MAP2K1: variants seen among roughly 807,000 people sequenced by gnomAD.
MAP2K1 encodes the protein dual specificity mitogen-activated protein kinase kinase 1.
MAP2K1 carries 16 observed loss-of-function variants against 46.3 expected under a neutral mutation model. The observed-to-expected ratio is 0.35, with a 90% CI of 0.23 to 0.52. The LOEUF (loss-of-function observed/expected upper bound fraction) is 0.52. MAP2K1 is among the 20% of genes least tolerant of loss of function. The pLI, the probability that MAP2K1 is intolerant of heterozygous loss-of-function variation, is 0.94. For synonymous variants in MAP2K1, 183 were observed against 185.6 expected (o/e 0.99, Z 0.11); for missense variants, 263 against 497.1 (o/e 0.53, Z 4.48).
chr15:66,482,958 G>A (rs1160734800), intron 6 of MAP2K1, among the ~76,000 whole-genome samples: 1 of 152,028 alleles, frequency 6.6e-6, no homozygotes, highest in African/African-American at 2.4e-5. Flanking sequence ...TGTGTTCTCT[G>A]TCAAAGCACA....
At chr15:66,461,516 T>TAAATAAA (rs1892321374) in intron 5 of MAP2K1, among the ~76,000 whole-genome samples, 1 of 126,900 alleles carries the variant, frequency 7.9e-6, no homozygotes, top group African/African-American at 2.7e-5. Flanking sequence ...AAATAAATAA[T>TAAATAAA]AAAATAATAA....
intron 1 of MAP2K1, among the ~76,000 whole-genome samples, chr15:66,412,278 G>T (rs1046816628): frequency 6.6e-6 from 1 of 152,218 alleles, no homozygotes; most frequent in Admixed American, 6.5e-5. Context: ...TGCGTTTGCT[G>T]TGGGCTGGTA....
At chr15:66,430,171 G>T (rs1036322850) in intron 1 of MAP2K1, among the ~76,000 whole-genome samples, 4 of 151,996 alleles carry the variant, frequency 2.6e-5, no homozygotes, top group African/African-American at 9.7e-5. Flanking sequence ...TCTTACCTTG[G>T]GTCTGTCTCT....
At chr15:66,396,887 G>T (rs973976182) in intron 1 of MAP2K1, among the ~76,000 whole-genome samples, 2 of 150,534 alleles carry the variant, frequency 1.3e-5, no homozygotes, top group Non-Finnish European at 2.9e-5. Context: ...GTTTCACCAT[G>T]TTGGCCAGGC....
At chr15:66,462,393 G>A (rs1359394343) in intron 5 of MAP2K1, among the ~76,000 whole-genome samples, 1 of 151,486 alleles carries the variant, frequency 6.6e-6, no homozygotes, top group Non-Finnish European at 1.5e-5. Flanking sequence ...CTAGCTACTC[G>A]GGAGGCTGAG....
intron 5 of MAP2K1, among the ~76,000 whole-genome samples, chr15:66,471,294 C>T (rs1567021588): frequency 6.6e-6 from 1 of 152,024 alleles, no homozygotes; most frequent in South Asian, 2.1e-4. Context: ...TTTTATTTTC[C>T]CTCCAAGCTG....
At chr15:66,410,866 T>G (rs948019829) in intron 1 of MAP2K1, among the ~76,000 whole-genome samples, 1 of 152,230 alleles carries the variant, frequency 6.6e-6, no homozygotes, top group African/African-American at 2.4e-5. Flanking sequence ...ATATTTGTTC[T>G]GCTTTACTAG....
At chr15:66,439,898 G>A (rs1224522705) in intron 3 of MAP2K1, among the ~76,000 whole-genome samples, 1 of 146,438 alleles carries the variant, frequency 6.8e-6, no homozygotes, top group Admixed American at 7.0e-5. Flanking sequence ...CCACGCCATT[G>A]CACTCCTGCC....
At chr15:66,447,137 T>C (rs374846883) in intron 5 of MAP2K1, among the ~76,000 whole-genome samples, 2 of 151,734 alleles carry the variant, frequency 1.3e-5, no homozygotes, top group East Asian at 1.9e-4. Context: ...CCCCGTAGAT[T>C]AGGTGATACA....
rs1471568699 is a variant in MAP2K1, at chr15:66,489,762, T to C, written c.1067T>C (p.Met356Thr). 3.1e-6 allele frequency: 5 copies of C among 1,613,006 alleles called. No individual in the cohort carries two copies. The highest frequency in any genetic ancestry group is 1.7e-5 in the Admixed American group (1 of 60,032). The change falls in exon 10 of 11, where the codon ATG (methionine) becomes ACG (threonine). Residue 356 changes from methionine (M) to threonine (T), a missense_variant and splice_region_variant. Coordinates refer to ENST00000307102, the MANE Select transcript of MAP2K1 (RefSeq NM_002755.4). ...PAERADLKQL[M>T]VHAFIKRSDA... Reference sequence around the variant, plus strand: ...GAGAGAGCAGATTTGAAGCAACTCATGGTGAGTCTATTTATTCCGGATTCT... The same window carrying C: ...GAGAGAGCAGATTTGAAGCAACTCACGGTGAGTCTATTTATTCCGGATTCT...
rs553256625 is a variant in MAP2K1, at chr15:66,452,768, A to G, written c.568+8061A>G. Among the ~76,000 whole-genome samples the G allele has an allele frequency of 1.4e-3, 210 of 152,336 alleles. 1 individual carries two copies. The highest frequency in any genetic ancestry group is 5.0e-3 in the African/African-American group (209 of 41,558). ...AGTGTTTTGCTTATAGAAAGCTCTAATATGCTAATTGCCTTCCCCGTTTCT... is the reference window on the plus strand; with the variant it reads ...AGTGTTTTGCTTATAGAAAGCTCTAGTATGCTAATTGCCTTCCCCGTTTCT... On this transcript the variant is annotated intron_variant, in intron 5 of 10. Transcript: ENST00000307102.
intron 1 of MAP2K1, among the ~76,000 whole-genome samples, chr15:66,418,797 C>T (rs1202602712): frequency 6.6e-6 from 1 of 151,768 alleles, no homozygotes; most frequent in Non-Finnish European, 1.5e-5. Context: ...CGAGCACCCG[C>T]CACCACGCCT....
intron 5 of MAP2K1, among the ~76,000 whole-genome samples, chr15:66,460,029 T>G (rs1892278062): frequency 6.6e-6 from 1 of 152,220 alleles, no homozygotes; most frequent in South Asian, 2.1e-4. Context: ...TGTCTGATCC[T>G]TGAAACACAG....
intron 5 of MAP2K1, chr15:66,453,459 C>A: frequency 1.4e-6 from 1 of 702,066 alleles, no homozygotes. Context: ...TACAAGTCTT[C>A]TCCAGAAGCC....
chr15:66,388,302 A>G (rs1269266829), intron 1 of MAP2K1, among the ~76,000 whole-genome samples: 2 of 152,172 alleles, frequency 1.3e-5, no homozygotes, highest in African/African-American at 4.8e-5. Context: ...GTAAGGGACA[A>G]GACTATGTGA....
At chr15:66,462,523 T>TA (rs959717050) in intron 5 of MAP2K1, among the ~76,000 whole-genome samples, 4 of 142,062 alleles carry the variant, frequency 2.8e-5, no homozygotes, top group African/African-American at 5.3e-5. Flanking sequence ...AAAAGATTGG[T>TA]AAAAAAATGG....
At chr15:66,444,318 G>A (rs555493248) in intron 4 of MAP2K1, among the ~76,000 whole-genome samples, 3 of 151,046 alleles carry the variant, frequency 2.0e-5, no homozygotes, top group East Asian at 1.9e-4. Context: ...TGGATCACCT[G>A]AGGTCAGGAG....
chr15:66,431,890 C>G (rs192084971), intron 1 of MAP2K1, among the ~76,000 whole-genome samples: 3 of 152,260 alleles, frequency 2.0e-5, no homozygotes, highest in South Asian at 2.1e-4. Flanking sequence ...GTTCCCGCCC[C>G]TGTGCCCCTG....
At chr15:66,423,412 A>G (rs1256347010) in intron 1 of MAP2K1, among the ~76,000 whole-genome samples, 1 of 148,300 alleles carries the variant, frequency 6.7e-6, no homozygotes, top group African/African-American at 2.5e-5. Flanking sequence ...CCCACTTCCC[A>G]ACCCTTCTTG....
Sources: gnomAD v4.1 joint callset for allele counts (sites outside exome capture counted in the v4.1 genomes callset) on GRCh38, gnomAD v4.1.1 for gene constraint, MANE v1.5 for transcripts, NCBI Gene and HGNC (gene_info 2026-07-23, HGNC 2026-07-21) for gene names.